Variants in ARID5B observed in about 807,000 individuals in gnomAD.
The protein encoded by ARID5B is AT-rich interactive domain-containing protein 5B.
A neutral mutation model predicts 97.2 loss-of-function variants in ARID5B; 13 were observed. That is an observed-to-expected ratio of 0.13 (90% CI 0.09 to 0.21). The LOEUF is 0.21. Among genes scored for constraint, ARID5B ranks in the 10% least tolerant of loss-of-function variants. The pLI, the probability that ARID5B is intolerant of heterozygous loss-of-function variation, is 1.00. For synonymous variants in ARID5B, 556 were observed against 570.3 expected, an observed-to-expected ratio of 0.97 and a Z score of 0.36; for missense variants, 1,210 against 1,465.3, an observed-to-expected ratio of 0.83 and a Z score of 2.84.
chr10:61,999,669 T>A (rs1839049900), intron 3 of ARID5B, among the ~76,000 whole-genome samples: 1 of 152,196 alleles, frequency 6.6e-6, no homozygotes, highest in Admixed American at 6.5e-5. Flanking sequence ...TTGAGGATCA[T>A]CTGTATAATC....
intron 2 of ARID5B, among the ~76,000 whole-genome samples, chr10:61,926,764 A>G (rs945440518): frequency 6.6e-6 from 1 of 151,942 alleles, no homozygotes; most frequent in Non-Finnish European, 1.5e-5. Flanking sequence ...GTGCACCACC[A>G]CACCCAGCTA....
intron 3 of ARID5B, among the ~76,000 whole-genome samples, chr10:61,969,713 T>C (rs1471439560): frequency 6.6e-6 from 1 of 152,186 alleles, no homozygotes; most frequent in East Asian, 1.9e-4. Context: ...ACCCAACCAA[T>C]TTTCACTCAA....
intron 3 of ARID5B, among the ~76,000 whole-genome samples, chr10:61,977,814 G>T (rs1838721673): frequency 1.3e-5 from 2 of 152,186 alleles, no homozygotes; most frequent in African/African-American, 2.4e-5. Context: ...TAGGTTGCCT[G>T]TTCACTCTGA....
At chr10:61,904,712 T>G (rs1843678933) in intron 2 of ARID5B, among the ~76,000 whole-genome samples, 1 of 152,252 alleles carries the variant, frequency 6.6e-6, no homozygotes, top group Admixed American at 6.5e-5. Context: ...TACTTGTATA[T>G]TTCATTAGGA....
intron 4 of ARID5B, among the ~76,000 whole-genome samples, chr10:62,001,800 G>A (rs955131767): frequency 9.2e-5 from 14 of 152,134 alleles, no homozygotes; most frequent in Non-Finnish European, 1.3e-4. Flanking sequence ...CTGTCATTCT[G>A]TAAGAGGGCA....
intron 4 of ARID5B, among the ~76,000 whole-genome samples, chr10:62,034,800 CA>C (rs1396326295): frequency 4.6e-5 from 7 of 152,350 alleles, no homozygotes; most frequent in Admixed American, 4.6e-4. Flanking sequence ...GTAATCTCTA[CA>C]TTACAGATTT....
intron 3 of ARID5B, among the ~76,000 whole-genome samples, chr10:61,989,830 G>C (rs1838897882): frequency 6.6e-6 from 1 of 152,168 alleles, no homozygotes; most frequent in Non-Finnish European, 1.5e-5. Context: ...TGCAAAAAGG[G>C]AAAGATCAAA....
At chr10:62,034,762 T>A (rs1350936230) in intron 4 of ARID5B, among the ~76,000 whole-genome samples, 1 of 152,266 alleles carries the variant, frequency 6.6e-6, no homozygotes. Flanking sequence ...TATTGATCTT[T>A]GTTAAAAATC....
chr10:61,946,118 TTC>T (rs1844494906), intron 3 of ARID5B, among the ~76,000 whole-genome samples: 1 of 150,642 alleles, frequency 6.6e-6, no homozygotes, highest in Non-Finnish European at 1.5e-5. Context: ...CTCCTGAAAA[TTC>T]TGTCAAAATA....
intron 3 of ARID5B, among the ~76,000 whole-genome samples, chr10:61,978,262 G>GC (rs1330714797): frequency 5.9e-5 from 9 of 152,144 alleles, no homozygotes; most frequent in Non-Finnish European, 1.0e-4. Flanking sequence ...GGTTACTGTA[G>GC]CCTTGTAGTA....
intron 8 of ARID5B, among the ~76,000 whole-genome samples, chr10:62,074,434 C>A (rs1840102006): frequency 6.6e-6 from 1 of 151,988 alleles, no homozygotes; most frequent in African/African-American, 2.4e-5. Flanking sequence ...GTACCCAAGC[C>A]AGATGTACTT....
Position 61,957,549 on chromosome 10 carries a change from G to A in ARID5B, c.502+17141G>A, listed in dbSNP as rs531972660. 1.9e-3 allele frequency among the ~76,000 whole-genome samples: 284 copies of A among 152,310 alleles called. 1 individual carries two copies. The highest frequency in any genetic ancestry group is 6.2e-3 in the African/African-American group (257 of 41,580). ...CTCCCACATTGCTGGGATTACAGGC[G>A]CAAGCCACTGCGCCCGGCCTGTCTT... On this transcript the variant is annotated intron_variant, in intron 3 of 9. Transcript: ENST00000279873.
At chr10:61,966,384 C>T (rs1371312303) in intron 3 of ARID5B, among the ~76,000 whole-genome samples, 1 of 152,150 alleles carries the variant, frequency 6.6e-6, no homozygotes, top group Non-Finnish European at 1.5e-5. Flanking sequence ...TTCCAGCTCA[C>T]AGTGAATGCT....
intron 4 of ARID5B, among the ~76,000 whole-genome samples, chr10:62,027,285 C>CCT (rs1839433113): frequency 3.0e-5 from 2 of 67,370 alleles, no homozygotes; most frequent in African/African-American, 1.2e-4. Flanking sequence ...ACAGTATCTC[C>CCT]TTTTTTTTTT....
At chr10:61,991,238 C>A (rs758799117) in intron 3 of ARID5B, among the ~76,000 whole-genome samples, 1 of 152,112 alleles carries the variant, frequency 6.6e-6, no homozygotes, top group Non-Finnish European at 1.5e-5. Flanking sequence ...TATCACATGG[C>A]AATTCTGTAT....
intron 2 of ARID5B, among the ~76,000 whole-genome samples, chr10:61,903,297 G>T (rs886441738): frequency 6.6e-6 from 1 of 152,106 alleles, no homozygotes; most frequent in Non-Finnish European, 1.5e-5. Flanking sequence ...TCCCCGGCAC[G>T]TTTCTGGGCG....
At chr10:61,945,061 T>C (rs1844477789) in intron 3 of ARID5B, among the ~76,000 whole-genome samples, 1 of 152,142 alleles carries the variant, frequency 6.6e-6, no homozygotes, top group Admixed American at 6.6e-5. Context: ...GTCAACAGCA[T>C]GGTGGGGTTA....
chr10:61,948,380 A>ATT (rs71470784), intron 3 of ARID5B, among the ~76,000 whole-genome samples: 5 of 86,198 alleles, frequency 5.8e-5, no homozygotes, highest in East Asian at 3.6e-4. Context: ...ACTTTAGGTA[A>ATT]TTTTTTTTTT....
At chr10:62,003,482 A>C (rs1839107736) in intron 4 of ARID5B, among the ~76,000 whole-genome samples, 1 of 152,184 alleles carries the variant, frequency 6.6e-6, no homozygotes, top group South Asian at 2.1e-4. Flanking sequence ...AAATGTCTAG[A>C]TTGTTTAAAA....
Sources: allele counts gnomAD v4.1 joint callset (sites outside exome capture counted in the v4.1 genomes callset), GRCh38; gene constraint gnomAD v4.1.1; transcripts MANE v1.5; gene names NCBI Gene and HGNC (gene_info 2026-07-23, HGNC 2026-07-21).